The following COL6A2 variants were observed in gnomAD, a reference collection of about 807,000 sequenced individuals.
COL6A2 encodes the protein collagen type VI alpha 2 chain, also known as collagen alpha-2(VI) chain.
Under a neutral mutation model 124.9 loss-of-function variants are expected in COL6A2, and 90 were observed. The observed-to-expected ratio is 0.72, with a 90% CI of 0.61 to 0.86. COL6A2 has a LOEUF of 0.86. Among genes scored for constraint, COL6A2 ranks in the 40% least tolerant of loss-of-function variants. The pLI, the probability that COL6A2 is intolerant of heterozygous loss-of-function variation, is 0.00. For missense variants in COL6A2, 1,607 were observed against 1,502.5 expected (o/e 1.07, Z -1.15); for synonymous variants, 793 against 618.2 (o/e 1.28, Z -4.19).
At chr21:46,117,645 C>T (rs892755374) in intron 11 of COL6A2, 192 bp downstream of exon 11, 15 of 744,384 alleles carry the variant, frequency 2.0e-5, no homozygotes, top group African/African-American at 5.2e-5. Flanking sequence ...GAGCTCCTGG[C>T]GGATCCCCGT....
At position 46,126,216 on chromosome 21, in the gene COL6A2, A is replaced by G. The variant is rs202155540; in HGVS notation, c.2401A>G (p.Met801Val). 120 of 1,600,746 alleles carry G rather than the reference A, an allele frequency of 7.5e-5. 1 individual carries two copies. The East Asian group carries it at 2.6e-3, about 35-fold the overall frequency. The change falls in exon 26 of 28, where the codon ATG becomes GTG. Residue 801 changes from methionine to valine, a missense_variant. Met to Val is a conservative substitution (Grantham distance 21). This residue lies in a region of COL6A2 where 1,223 missense variants were observed against 1,052.2 expected (regional missense o/e 1.16). Coordinates refer to ENST00000300527, the MANE Select transcript of COL6A2 (RefSeq NM_001849.4). The part of the protein sequence containing the change: ...DLVAEKFIDD[M>V]EDVLCPDPQI... ...GGTCGCTGAGAAGTTCATCGATGAC[A>G]TGGAGGACGTCCTCTGCCCGGGTGA...
intron 27 of COL6A2, chr21:46,129,727 C>G: frequency 7.2e-7 from 1 of 1,390,644 alleles, no homozygotes; most frequent in South Asian, 1.8e-5. Flanking sequence ...TGGCCGCTCT[C>G]TTTATAAGAA....
In COL6A2 at chr21:46,131,178, C is replaced by T. The variant is rs865789704; in HGVS notation, c.2462-776C>T. 2.0e-4 allele frequency among the ~76,000 whole-genome samples: 30 copies of T among 152,320 alleles called. No homozygotes were observed. In the Middle Eastern group the frequency reaches 0.01, roughly 52 times the overall value. On this transcript the variant is annotated intron_variant, in intron 27 of 27. Transcript: ENST00000300527. Reference sequence around the variant, plus strand: ...CCAGGAGCTGAGGTCTTGGTGAGGCCACAGGGCCAGGTCCACGCAAGGACT... The same window carrying T: ...CCAGGAGCTGAGGTCTTGGTGAGGCTACAGGGCCAGGTCCACGCAAGGACT...
chr21:46,116,844 C>T lies in COL6A2; in HGVS notation c.999+30C>T, dbSNP rs374978027. ...AGGGAGCCTCGGGCTCACAGCTGGACTGGTCTCACAGAGGCATCCCAGCCT... is the reference window on the plus strand; with the variant it reads ...AGGGAGCCTCGGGCTCACAGCTGGATTGGTCTCACAGAGGCATCCCAGCCT... On this transcript the variant is annotated intron_variant, in intron 10 of 27. Coordinates refer to ENST00000300527, the MANE Select transcript of COL6A2 (RefSeq NM_001849.4). The surrounding 1 kb of genome is among the most constrained non-coding windows in gnomAD (Gnocchi z 4.6). 2.3e-5 allele frequency: 37 copies of T among 1,612,264 alleles called. No individual in the cohort carries two copies. The African/African-American group carries it at 3.6e-4, about 16-fold the overall frequency.
Position 46,122,856 on chromosome 21 carries a change from CAT to C in COL6A2, c.1609-18_1609-17del, listed in dbSNP as rs772254269. 5.1e-5 allele frequency: 82 copies of C among 1,611,442 alleles called. No individual in the cohort carries two copies. The highest frequency in any genetic ancestry group is 6.4e-5 in the Non-Finnish European group (75 of 1,178,406). The stretch of plus-strand genomic sequence containing the variant: ...AGACAGCTCCTCTGTCCCAGGCTAA[CAT>C]GTGTTCCCTGTCACAGGGAGGCCGA... On this transcript the variant is annotated splice_polypyrimidine_tract_variant and intron_variant, in intron 20 of 27. Coordinates refer to ENST00000300527, the MANE Select transcript of COL6A2 (RefSeq NM_001849.4).
intron 1 of COL6A2, among the ~76,000 whole-genome samples, chr21:46,102,729 A>G (rs1185953783): frequency 2.7e-5 from 4 of 150,764 alleles, no homozygotes; most frequent in Admixed American, 2.6e-4. Context: ...TGTATGTTGA[A>G]CTATCCTTGC....
intron 11 of COL6A2, 123 bp downstream of exon 11, chr21:46,117,576 C>G (rs2078492067): frequency 1.0e-6 from 1 of 969,998 alleles, no homozygotes; most frequent in African/African-American, 1.6e-5. Context: ...GCAGCCCCAG[C>G]CCAGCAGCCC....
intron 22 of COL6A2, 81 bp from the exon 23 acceptor site, chr21:46,124,804 G>GT: frequency 1.1e-5 from 17 of 1,592,348 alleles, no homozygotes; most frequent in Admixed American, 5.0e-5. Flanking sequence ...GTGGACCCAC[G>GT]TATCAGTGGG....
chr21:46,107,002 A>G (rs1484392301), intron 1 of COL6A2, among the ~76,000 whole-genome samples: 3 of 152,192 alleles, frequency 2.0e-5, no homozygotes, highest in Non-Finnish European at 4.4e-5. Flanking sequence ...TTTTTAAATC[A>G]GTTTAAGATA....
rs2078589929 is a variant in COL6A2 at position 46,122,937 on chromosome 21, TGTGA to T, written c.1671+4_1671+7del. On this transcript the variant is annotated splice_donor_variant and splice_donor_region_variant and intron_variant, in intron 21 of 27. Transcript: ENST00000300527. LOFTEE classifies it high-confidence loss of function. ...GGAGGAAAGGAGAGAAAGGAGAGCC[TGTGA>T]GTGTCACCGTCCCGAAGCCCACAGC... 6.2e-7 allele frequency: 1 copy of T among 1,612,958 alleles called. No homozygotes were observed. The highest frequency in any genetic ancestry group is 1.7e-5 in the Admixed American group (1 of 59,982).
chr21:46,116,894 G>T lies in COL6A2; in HGVS notation c.999+80G>T. On this transcript the variant is annotated intron_variant, in intron 10 of 27. Transcript: ENST00000300527. The surrounding 1 kb of genome is among the most constrained non-coding windows in gnomAD (Gnocchi z 4.6). ...TCTGCAGGGCCCCCAGATCCAGCCT[G>T]ATCTGTCAGCTTACACATGTGTACA... 7.0e-7 allele frequency: 1 copy of T among 1,422,986 alleles called. No homozygotes were observed. The highest frequency in any genetic ancestry group is 2.3e-5 in the East Asian group (1 of 43,582). 88.1% of individuals were successfully genotyped at this position (1,422,986 alleles called of 1,614,324 possible). A position where few individuals can be genotyped will look rare whatever the true frequency, so the allele number is the denominator to read the frequency against.
At chr21:46,120,626 TG>T in intron 16 of COL6A2, 49 bp downstream of exon 16, 1 of 1,422,826 alleles carries the variant, frequency 7.0e-7, no homozygotes, top group Non-Finnish European at 9.3e-7. Context: ...TCTGAGGGGG[TG>T]CAGGGGGGCT....
chr21:46,121,890 C>T (rs909066999), intron 18 of COL6A2, among the ~76,000 whole-genome samples: 2 of 147,738 alleles, frequency 1.4e-5, no homozygotes, highest in African/African-American at 5.2e-5. Context: ...TAGGGTCCTC[C>T]CCGCGTGTGG....
chr21:46,123,852 T>TG (rs1194795755), intron 21 of COL6A2, among the ~76,000 whole-genome samples: 1 of 95,988 alleles, frequency 1.0e-5, no homozygotes, highest in African/African-American at 3.8e-5. Flanking sequence ...GATGGATGAA[T>TG]GAGTTAGTGG....
chr21:46,128,476 C>T (rs1344485413), intron 27 of COL6A2, among the ~76,000 whole-genome samples: 1 of 132,316 alleles, frequency 7.6e-6, no homozygotes, highest in Non-Finnish European at 1.7e-5. Flanking sequence ...GGGTGGACAC[C>T]ACTGGCTGTG....
intron 27 of COL6A2, among the ~76,000 whole-genome samples, chr21:46,131,383 G>A (rs2078758024): frequency 6.6e-6 from 1 of 152,188 alleles, no homozygotes; most frequent in South Asian, 2.1e-4. Flanking sequence ...AACCCACCTG[G>A]GCTGCCACAG....
intron 27 of COL6A2, chr21:46,129,083 G>T: frequency 6.2e-7 from 1 of 1,600,202 alleles, no homozygotes; most frequent in Non-Finnish European, 8.5e-7. Context: ...CTACCGACTC[G>T]CCAGCCCAAA....
Position 46,122,764 on chromosome 21 carries a change from C to T in COL6A2, c.1609-111C>T, listed in dbSNP as rs552470719. 3.3e-4 allele frequency: 382 copies of T among 1,170,286 alleles called. No individual in the cohort carries two copies. In the African/African-American group the frequency reaches 4.8e-3, roughly 15 times the overall value. 72.5% of individuals were successfully genotyped at this position (1,170,286 alleles called of 1,614,324 possible). ...TGCAAAAAAACCACATAGATGCTCC[C>T]GTTTAAAGGACCCCAAAATGCCAGA... On this transcript the variant is annotated intron_variant, in intron 20 of 27. Transcript: ENST00000300527.
At chr21:46,128,232 C>T (rs1033145549) in intron 27 of COL6A2, among the ~76,000 whole-genome samples, 1 of 152,180 alleles carries the variant, frequency 6.6e-6, no homozygotes, top group African/African-American at 2.4e-5. Context: ...CTGGCCTCTT[C>T]TGAGGCCTCC....
Sources: allele counts gnomAD v4.1 joint callset (sites outside exome capture counted in the v4.1 genomes callset), GRCh38; gene constraint gnomAD v4.1.1; regional missense constraint gnomAD v4.1.1; non-coding constraint Gnocchi (gnomAD v3.1); transcripts MANE v1.5; gene names NCBI Gene and HGNC (gene_info 2026-07-23, HGNC 2026-07-21).